The following KANK1 variants were observed in gnomAD, a reference collection of about 807,000 sequenced individuals.
KANK1 encodes the protein KN motif and ankyrin repeat domains 1.
A neutral mutation model predicts 106.2 loss-of-function variants in KANK1; 109 were observed. That is an observed-to-expected ratio of 1.03 (90% CI 0.88 to 1.20). KANK1 has a LOEUF of 1.20. Among genes scored for constraint, KANK1 ranks in the 50% most tolerant of loss-of-function variants. The pLI is 0.00. For missense variants in KANK1, 2,399 were observed against 1,710.7 expected (o/e 1.40, Z -7.10); for synonymous variants, 873 against 652.2 (o/e 1.34, Z -5.16).
rs116716387 is a variant in KANK1, at chr9:700,962, C to G, written c.38-9842C>G. 8.3e-3 allele frequency among the ~76,000 whole-genome samples: 1,262 copies of G among 152,240 alleles called. 22 individuals are homozygous for G. The highest frequency in any genetic ancestry group is 0.029 in the African/African-American group (1,195 of 41,502). Reference sequence around the variant, plus strand: ...AAAGTCCACAGGACACATTATTTCACCCCAGTGCTTTTTGCTCATATTAAA... The same window carrying G: ...AAAGTCCACAGGACACATTATTTCAGCCCAGTGCTTTTTGCTCATATTAAA... On this transcript the variant is annotated intron_variant, in intron 2 of 11. Coordinates refer to ENST00000382297, the MANE Select transcript of KANK1 (RefSeq NM_015158.5).
intron 1 of KANK1, among the ~76,000 whole-genome samples, chr9:616,980 A>T (rs868670417): frequency 4.6e-5 from 7 of 152,298 alleles, no homozygotes; most frequent in Middle Eastern, 3.4e-3. Context: ...GGAGCAGGAA[A>T]TTTTGGTGAA....
chr9:585,663 C>A (rs937773186), intron 1 of KANK1, among the ~76,000 whole-genome samples: 5 of 152,128 alleles, frequency 3.3e-5, no homozygotes, highest in African/African-American at 1.2e-4. Flanking sequence ...GAAGAGTAGA[C>A]AATAATGTTA....
exon 1 of KANK1, chr9:470,335 T>G (rs956185555): frequency 3.9e-5 from 6 of 152,306 alleles, no homozygotes; most frequent in African/African-American, 1.4e-4. Flanking sequence ...TGCTCCAGCC[T>G]GCTCAGCAGC....
At position 711,124 on chromosome 9, in the gene KANK1, A is replaced by G; in HGVS notation, c.358A>G (p.Lys120Glu). 1 of 1,613,918 alleles carries G rather than the reference A, an allele frequency of 6.2e-7. No homozygotes were observed. Among genetic ancestry groups the G allele is most frequent in the Non-Finnish European group, 8.5e-7 (1 of 1,179,974 alleles). Residue 120 changes from lysine to glutamate, a missense_variant, in exon 3 of 12, where the codon AAG becomes GAG. Coordinates refer to ENST00000382297, the MANE Select transcript of KANK1 (RefSeq NM_015158.5). ...RSQVTSTPIS[K>E]PPPPLETSLP... ...TCAAGTTACATCAACTCCAATCTCA[A>G]AGCCACCTCCCCCTCTGGAGACCTC...
chr9:611,792 C>T (rs547603166), intron 1 of KANK1, among the ~76,000 whole-genome samples: 1 of 152,298 alleles, frequency 6.6e-6, no homozygotes, highest in African/African-American at 2.4e-5. Context: ...AGTCTCAGCT[C>T]ACTGCAACCT....
chr9:551,389 G>A (rs2061273819), intron 1 of KANK1, among the ~76,000 whole-genome samples: 1 of 152,038 alleles, frequency 6.6e-6, no homozygotes, highest in South Asian at 2.1e-4. Context: ...TCTGAAGTTA[G>A]CTGTCAGTTT....
intron 1 of KANK1, among the ~76,000 whole-genome samples, chr9:618,274 T>C (rs1293995142): frequency 6.6e-6 from 1 of 152,144 alleles, no homozygotes; most frequent in Non-Finnish European, 1.5e-5. Flanking sequence ...AGTGGCGTGA[T>C]CTCAGCTCAC....
intron 1 of KANK1, among the ~76,000 whole-genome samples, chr9:570,558 A>G (rs1012693169): frequency 2.0e-5 from 3 of 152,186 alleles, no homozygotes; most frequent in Non-Finnish European, 4.4e-5. Context: ...GGCAGAAATA[A>G]TTTTCTAAAT....
intron 1 of KANK1, among the ~76,000 whole-genome samples, chr9:588,593 A>AT (rs1254821408): frequency 6.6e-6 from 1 of 152,072 alleles, no homozygotes; most frequent in Non-Finnish European, 1.5e-5. Flanking sequence ...GAAAAAAAAA[A>AT]GTGTTTGTTT....
chr9:557,040 G>A (rs1203101384), intron 1 of KANK1, among the ~76,000 whole-genome samples: 1 of 152,072 alleles, frequency 6.6e-6, no homozygotes, highest in Non-Finnish European at 1.5e-5. Context: ...ATTTCTGGGC[G>A]AGTGTAGTGG....
chr9:718,908 C>T (rs183838314), intron 3 of KANK1, among the ~76,000 whole-genome samples: 13 of 151,862 alleles, frequency 8.6e-5, no homozygotes, highest in Admixed American at 7.2e-4. Context: ...CTGCCTGTTC[C>T]CCAAACCATC....
rs139840780 is a variant in KANK1, at chr9:617,676, C to G, written c.-83-59214C>G. Among the ~76,000 whole-genome samples the G allele has an allele frequency of 6.6e-3, 1,008 of 152,274 alleles. 12 individuals are homozygous for G. Among genetic ancestry groups the G allele is most frequent in the Non-Finnish European group, 7.7e-3 (521 of 68,014 alleles). On this transcript the variant is annotated intron_variant, in intron 1 of 11. Transcript: ENST00000382297. Reference sequence around the variant, plus strand: ...AGTTACTTCCCAGGCTGAAATTTTCCCACCGTAAACTTAGGCTGATAGGCT... The same window carrying G: ...AGTTACTTCCCAGGCTGAAATTTTCGCACCGTAAACTTAGGCTGATAGGCT...
intron 3 of KANK1, among the ~76,000 whole-genome samples, chr9:481,391 G>A (rs1320159877): frequency 6.6e-6 from 1 of 152,166 alleles, no homozygotes. Flanking sequence ...TGCCGCTCCT[G>A]GACTAGCAAA....
chr9:699,476 G>A (rs2130090580), intron 2 of KANK1, among the ~76,000 whole-genome samples: 1 of 152,344 alleles, frequency 6.6e-6, no homozygotes, highest in African/African-American at 2.4e-5. Context: ...GGAGACAGTG[G>A]AAGATGTAGG....
At chr9:583,623 A>G (rs1822717119) in intron 1 of KANK1, among the ~76,000 whole-genome samples, 1 of 151,682 alleles carries the variant, frequency 6.6e-6, no homozygotes, top group African/African-American at 2.4e-5. Flanking sequence ...CTTGTAGGCA[A>G]AAGTTTCAAT....
At chr9:717,995 G>A (rs1419960757) in intron 3 of KANK1, among the ~76,000 whole-genome samples, 1 of 152,142 alleles carries the variant, frequency 6.6e-6, no homozygotes, top group Non-Finnish European at 1.5e-5. Context: ...AAAAGTTAAT[G>A]AACTCGAAGT....
intron 4 of KANK1, 38 bp downstream of exon 4, chr9:730,286 C>G (rs775347593): frequency 3.1e-6 from 5 of 1,587,874 alleles, no homozygotes; most frequent in Admixed American, 3.3e-5. Context: ...CATCAGGATT[C>G]TAGGGCCAGC....
chr9:718,644 C>A (rs191742861), intron 3 of KANK1, among the ~76,000 whole-genome samples: 4 of 152,020 alleles, frequency 2.6e-5, no homozygotes, highest in African/African-American at 7.2e-5. Flanking sequence ...TTGTGGACTT[C>A]CATGGCCTCC....
intron 11 of KANK1, 65 bp from the exon 12 acceptor site, chr9:745,108 A>G: frequency 6.3e-7 from 1 of 1,585,700 alleles, no homozygotes; most frequent in Non-Finnish European, 8.6e-7. Flanking sequence ...ATCCTATGTC[A>G]CAGGGTACAC....
Sources: allele counts gnomAD v4.1 joint callset (sites outside exome capture counted in the v4.1 genomes callset), GRCh38; gene constraint gnomAD v4.1.1; transcripts MANE v1.5; gene names NCBI Gene and HGNC (gene_info 2026-07-23, HGNC 2026-07-21).